Variants in SHD observed in about 807,000 individuals in gnomAD.
SHD encodes Src homology 2 domain containing transforming protein D, also known as SH2 domain-containing adapter protein D.
In SHD, 29 loss-of-function variants were observed where a neutral mutation model predicts 31.2. The observed-to-expected ratio is 0.93, with a 90% confidence interval of 0.69 to 1.27. The LOEUF (loss-of-function observed/expected upper bound fraction) is 1.27, where lower values mean the gene tolerates loss of function less well. Ranked by LOEUF, SHD falls within the 50% of genes most tolerant of loss-of-function variation. SHD has a pLI of 0.00. For missense variants in SHD, 520 were observed against 453.8 expected, an observed-to-expected ratio of 1.15 and a Z score of -1.33; for synonymous variants, 208 against 187.8, an observed-to-expected ratio of 1.11 and a Z score of -0.88.
Position 4,290,611 on chromosome 19 carries a change from C to T in SHD, c.1001C>T (p.Pro334Leu). The T allele has an allele frequency of 6.2e-7, 1 of 1,610,696 alleles. No homozygotes were observed. The highest frequency in any genetic ancestry group is 1.1e-5 in the South Asian group (1 of 90,804). Residue 334 changes from proline (P) to leucine (L), a missense_variant, in exon 6 of 6, where the codon CCC (proline) becomes CTC (leucine). Coordinates refer to ENST00000543264, the MANE Select transcript of SHD (RefSeq NM_020209.4). ...GCCGAGCATCTGGCTCTGCTGTACC[C>T]CGTGGTCACGCAGACCCCCTGACAG... ...QGAEHLALLY[P>L]VVTQTP
chr19:4,282,543 G>A (rs752504897), intron 1 of SHD, among the ~76,000 whole-genome samples: 27 of 151,992 alleles, frequency 1.8e-4, no homozygotes, highest in Non-Finnish European at 3.2e-4. Context: ...GGCTAACACG[G>A]TGAAACCCCA....
intron 3 of SHD, 147 bp downstream of exon 3, chr19:4,283,389 T>C: frequency 1.2e-6 from 1 of 859,946 alleles, no homozygotes; most frequent in Non-Finnish European, 1.7e-6. Flanking sequence ...TGTGAATGAC[T>C]GATAGTCCTA....
intron 3 of SHD, among the ~76,000 whole-genome samples, chr19:4,283,630 G>A (rs948607531): frequency 6.6e-6 from 1 of 151,830 alleles, no homozygotes; most frequent in Non-Finnish European, 1.5e-5. Context: ...CCAGGCTGGA[G>A]TGCAGTGGCG....
intron 1 of SHD, among the ~76,000 whole-genome samples, chr19:4,282,290 G>A (rs553471368): frequency 2.0e-5 from 3 of 151,942 alleles, no homozygotes; most frequent in East Asian, 3.9e-4. Context: ...TTTGGTGGCC[G>A]GCACCAGTAA....
intron 4 of SHD, among the ~76,000 whole-genome samples, chr19:4,286,571 G>C (rs1249634209): frequency 2.6e-5 from 4 of 152,012 alleles, no homozygotes; most frequent in Non-Finnish European, 5.9e-5. Context: ...TTGATATCTT[G>C]CTTGCTACTG....
At position 4,284,876 on chromosome 19, in the gene SHD, G is replaced by A. The variant is rs1291559108; in HGVS notation, c.688G>A (p.Asp230Asn). 3 of 1,609,386 alleles carry A rather than the reference G, an allele frequency of 1.9e-6. No individual in the cohort carries two copies. Among genetic ancestry groups the A allele is most frequent in the Admixed American group, 3.3e-5 (2 of 59,792 alleles). Residue 230 changes from aspartate (D) to asparagine (N), a missense_variant, in exon 4 of 6, where the codon GAC becomes AAC. Physicochemically the swap from Asp to Asn is conservative, Grantham distance 23. Coordinates refer to ENST00000543264, the MANE Select transcript of SHD (RefSeq NM_020209.4). ...AAGCCCCCAGCCTGCGGAGCGTGTG[G>A]ACCCAGCCCTGCCCCTGGAGAAACA... Reference protein sequence around the residue: ...PRSPQPAERVDPALPLEKQPW... With the variant: ...PRSPQPAERVNPALPLEKQPW...
In SHD at chr19:4,283,172, T is replaced by C; in HGVS notation, c.522T>C (p.Asp174=). 1.2e-6 allele frequency: 2 copies of C among 1,614,118 alleles called. No individual in the cohort carries two copies. The highest frequency in any genetic ancestry group is 2.7e-5 in the African/African-American group (2 of 75,044). ...KPRQSRMPQE[D]ERPADEYDQP... is the part of the protein sequence containing the mutation. ...GGCAGAGCCGGATGCCCCAGGAAGATGAACGGCCAGCAGATGAGTATGATC... is the reference window on the plus strand; with the variant it reads ...GGCAGAGCCGGATGCCCCAGGAAGACGAACGGCCAGCAGATGAGTATGATC... Residue 174 remains aspartate, a synonymous_variant, in exon 3 of 6, where the codon GAT becomes GAC. Coordinates refer to ENST00000543264, the MANE Select transcript of SHD (RefSeq NM_020209.4).
intron 5 of SHD, among the ~76,000 whole-genome samples, chr19:4,289,877 T>A (rs190148330): frequency 1.5e-3 from 231 of 150,408 alleles, no homozygotes; most frequent in African/African-American, 5.2e-3. Context: ...AGCCTATTTT[T>A]TTATTATTAT....
chr19:4,284,698 A>G, intron 3 of SHD, 83 bp from the exon 4 acceptor site: 1 of 1,368,332 alleles, frequency 7.3e-7, no homozygotes, highest in Non-Finnish European at 9.6e-7. Context: ...CTGCCTTTCT[A>G]CCGAGATTCC....
chr19:4,279,839 G>C lies in SHD; in HGVS notation c.-225G>C. ...TGCTTCCCAAGCTGGGCTAAGGCGG[G>C]CTTCTCTTCCTCCCTCCTCTGTCGC... On this transcript the variant is annotated 5_prime_UTR_variant, in exon 1 of 6. Transcript: ENST00000543264. This position sits in a 1 kb window ranked among gnomAD's most constrained non-coding sequence, Gnocchi z 7.5. 3.4e-6 allele frequency: 2 copies of C among 585,384 alleles called. No homozygotes were observed. Among genetic ancestry groups the C allele is most frequent in the Non-Finnish European group, 5.9e-6 (2 of 340,632 alleles). The allele number at this position is 585,384 out of a possible 1,614,324, so 36.3% of individuals were successfully genotyped here.
chr19:4,286,516 T>G (rs2144719262), intron 4 of SHD, among the ~76,000 whole-genome samples: 1 of 152,158 alleles, frequency 6.6e-6, no homozygotes, highest in Non-Finnish European at 1.5e-5. Context: ...TTTTCAGATT[T>G]CTTTCATTGT....
chr19:4,282,101 G>C (rs534278164), intron 1 of SHD, among the ~76,000 whole-genome samples: 1 of 152,108 alleles, frequency 6.6e-6, no homozygotes, highest in Non-Finnish European at 1.5e-5. Context: ...TTGGGTAACA[G>C]ACTCCCTCTC....
In SHD at chr19:4,284,872, TG is replaced by T. The variant is rs1568369004; in HGVS notation, c.685del (p.Val229TrpfsTer17). 1.2e-6 allele frequency: 2 copies of T among 1,610,938 alleles called. No homozygotes were observed. Among genetic ancestry groups the T allele is most frequent in the South Asian group, 2.2e-5 (2 of 90,802 alleles). On this transcript the variant is annotated frameshift_variant, in exon 4 of 6. Transcript: ENST00000543264. LOFTEE classifies it high-confidence loss of function. ...PPRSPQPAERVDPALPLEKQP... is the reference protein window; with the variant it reads ...PPRSPQPAERXDPALPLEKQP... The stretch of plus-strand genomic sequence containing the variant: ...CCAGAAGCCCCCAGCCTGCGGAGCG[TG>T]TGGACCCAGCCCTGCCCCTGGAGAA...
chr19:4,286,280 T>TCC (rs1971315577), intron 4 of SHD, among the ~76,000 whole-genome samples: 1 of 97,170 alleles, frequency 1.0e-5, no homozygotes, highest in African/African-American at 3.8e-5. Context: ...TCTTTCTTTC[T>TCC]TTTTTTCTTT....
intron 5 of SHD, among the ~76,000 whole-genome samples, chr19:4,289,971 G>T (rs954494306): frequency 6.6e-6 from 1 of 151,508 alleles, no homozygotes; most frequent in Non-Finnish European, 1.5e-5. Context: ...TGCCTCCCAG[G>T]TTCAAGGGAT....
In SHD at chr19:4,290,717, ATTG is replaced by A; in HGVS notation, c.*87_*89del. On this transcript the variant is annotated 3_prime_UTR_variant, in exon 6 of 6. Transcript: ENST00000543264. ...CCATGGCCTAGAAAATAAATAAGTT[ATTG>A]TTTGTCTTAGTGTCCTTTCTGGGCT... 1.7e-5 allele frequency: 23 copies of A among 1,393,790 alleles called. No homozygotes were observed. In the South Asian group the frequency reaches 3.2e-4, roughly 19 times the overall value. The allele number at this position is 1,393,790 out of a possible 1,614,324, so 86.3% of individuals were successfully genotyped here. A position where few individuals can be genotyped will look rare whatever the true frequency, so the allele number is the denominator to read the frequency against.
At chr19:4,286,231 TTTTCTTTC>T (rs200796435) in intron 4 of SHD, among the ~76,000 whole-genome samples, 32 of 49,998 alleles carry the variant, frequency 6.4e-4, no homozygotes, top group East Asian at 4.7e-3. Flanking sequence ...TCTTTCTTTC[TTTTCTTTC>T]TTTCTTTCTT....
At chr19:4,290,136 A>G (rs947664178) in intron 5 of SHD, among the ~76,000 whole-genome samples, 10 of 152,004 alleles carry the variant, frequency 6.6e-5, no homozygotes, top group Middle Eastern at 3.4e-3. Context: ...TCGGCCTCCC[A>G]AAGTGCTGGG....
intron 4 of SHD, among the ~76,000 whole-genome samples, chr19:4,286,205 T>C (rs956293485): frequency 4.4e-5 from 5 of 112,696 alleles, no homozygotes; most frequent in Non-Finnish European, 9.3e-5. Flanking sequence ...TCTTTCTTTT[T>C]CTTTCTTTCT....
Sources: gnomAD v4.1 joint callset for allele counts (sites outside exome capture counted in the v4.1 genomes callset) on GRCh38, gnomAD v4.1.1 for gene constraint, Gnocchi (gnomAD v3.1) non-coding constraint, MANE v1.5 for transcripts, NCBI Gene and HGNC (gene_info 2026-07-23, HGNC 2026-07-21) for gene names.